Variants in CNIH3 observed in about 807,000 individuals in gnomAD.
The protein encoded by CNIH3 is protein cornichon homolog 3.
A neutral mutation model predicts 24.1 loss-of-function variants in CNIH3; 14 were observed. The observed-to-expected ratio is 0.58, with a 90% CI of 0.38 to 0.91. CNIH3 has a LOEUF of 0.91. Ranked by LOEUF, CNIH3 falls within the 40% of genes least tolerant of loss-of-function variation. The pLI, the probability that CNIH3 is intolerant of heterozygous loss-of-function variation, is 0.00. For synonymous variants in CNIH3, 68 were observed against 73.8 expected (o/e 0.92, Z 0.40); for missense variants, 178 against 196.8 (o/e 0.90, Z 0.57).
intron 3 of CNIH3, among the ~76,000 whole-genome samples, chr1:224,610,245 T>C (rs1682623501): frequency 6.6e-6 from 1 of 152,130 alleles, no homozygotes; most frequent in African/African-American, 2.4e-5. Context: ...TTACAAAGGG[T>C]TTATTGGGAT....
intron 2 of CNIH3, among the ~76,000 whole-genome samples, chr1:224,683,819 C>T (rs556258307): frequency 2.6e-5 from 4 of 152,182 alleles, no homozygotes; most frequent in African/African-American, 4.8e-5. Flanking sequence ...CCCTTTCGTG[C>T]GTGTGTGCAC....
At chr1:224,542,163 T>C (rs913944588), downstream of CNIH3, among the ~76,000 whole-genome samples, 4 of 152,222 alleles carry the variant, frequency 2.6e-5, no homozygotes, top group Non-Finnish European at 5.9e-5. Context: ...CCACAACCAT[T>C]CCAGCTTCTA....
intron 3 of CNIH3, among the ~76,000 whole-genome samples, chr1:224,697,235 C>G (rs1272383870): frequency 6.6e-6 from 1 of 152,210 alleles, no homozygotes; most frequent in Non-Finnish European, 1.5e-5. Flanking sequence ...CTAGTTAGAG[C>G]GCTAGTTTGC....
At chr1:224,651,434 AG>A (rs1314867563) in intron 1 of CNIH3, among the ~76,000 whole-genome samples, 1 of 152,204 alleles carries the variant, frequency 6.6e-6, no homozygotes, top group Non-Finnish European at 1.5e-5. Flanking sequence ...ACTTTAAAAA[AG>A]TTGCAGTTTT....
At chr1:224,576,785 A>G (rs1681054957) in intron 4 of CNIH3, among the ~76,000 whole-genome samples, 1 of 152,222 alleles carries the variant, frequency 6.6e-6, no homozygotes, top group South Asian at 2.1e-4. Flanking sequence ...TCAAAAACAA[A>G]TCTAGAGACA....
chr1:224,440,879 C>T (rs954030556), intron 1 of CNIH3, among the ~76,000 whole-genome samples: 5 of 151,418 alleles, frequency 3.3e-5, no homozygotes, highest in Admixed American at 1.3e-4. Context: ...TGCAGTGGCA[C>T]GATCTCGGCT....
intron 3 of CNIH3, among the ~76,000 whole-genome samples, chr1:224,712,850 GT>G (rs540126665): frequency 6.6e-6 from 1 of 152,156 alleles, no homozygotes; most frequent in African/African-American, 2.4e-5. Flanking sequence ...TCAACTGGGT[GT>G]TTTTAAAATA....
intron 3 of CNIH3, among the ~76,000 whole-genome samples, chr1:224,720,358 A>C (rs1258701943): frequency 1.3e-5 from 2 of 151,438 alleles, no homozygotes; most frequent in East Asian, 3.9e-4. Flanking sequence ...GCGGTGCATG[A>C]GGTCAGCTCC....
intron 3 of CNIH3, among the ~76,000 whole-genome samples, chr1:224,720,508 G>A (rs1688664322): frequency 6.6e-6 from 1 of 152,150 alleles, no homozygotes; most frequent in Non-Finnish European, 1.5e-5. Flanking sequence ...AGCAGAGTTG[G>A]GCTTCCTTCC....
intron 1 of CNIH3, among the ~76,000 whole-genome samples, chr1:224,509,166 T>C (rs182384532): frequency 3.9e-5 from 6 of 151,974 alleles, no homozygotes; most frequent in Non-Finnish European, 8.8e-5. Context: ...ATACTAAAAA[T>C]ACAAAAATTA....
chr1:224,571,967 GTCACTGCAGCATATCTGCACAGACA>G (rs1680837021), intron 4 of CNIH3, among the ~76,000 whole-genome samples: 1 of 152,198 alleles, frequency 6.6e-6, no homozygotes, highest in Non-Finnish European at 1.5e-5. Context: ...CTGAGAGGTG[GTCACTGCAGCATATCTGCACAGACA>G]ATGTAAGACG....
intron 1 of CNIH3, among the ~76,000 whole-genome samples, chr1:224,625,994 C>G (rs78063337): frequency 0.047 from 7,130 of 152,100 alleles, 229 homozygotes; most frequent in East Asian, 0.15. Flanking sequence ...CCTTTGACAA[C>G]TAGGTGTAGA....
chr1:224,589,029 C>T (rs1035376985), downstream of CNIH3, among the ~76,000 whole-genome samples: 1 of 136,888 alleles, frequency 7.3e-6, no homozygotes, highest in East Asian at 2.5e-4. Flanking sequence ...CTTCCCAGAT[C>T]CCTGCGAGAA....
chr1:224,457,884 A>G (rs928930161), intron 1 of CNIH3, among the ~76,000 whole-genome samples: 4 of 152,254 alleles, frequency 2.6e-5, no homozygotes, highest in Non-Finnish European at 5.9e-5. Flanking sequence ...AACAGAATAC[A>G]CTAGGATAGA....
At chr1:224,700,640 G>A (rs774544514) in intron 3 of CNIH3, among the ~76,000 whole-genome samples, 7 of 152,180 alleles carry the variant, frequency 4.6e-5, no homozygotes, top group African/African-American at 7.2e-5. Context: ...AAGATCAAAA[G>A]CAAAGTTATC....
intron 4 of CNIH3, among the ~76,000 whole-genome samples, chr1:224,566,584 C>T (rs1680591879): frequency 6.6e-6 from 1 of 152,010 alleles, no homozygotes. Flanking sequence ...TGCTCTTCTT[C>T]CTCAACTCCC....
intron 3 of CNIH3, among the ~76,000 whole-genome samples, chr1:224,552,777 T>A (rs1376856655): frequency 6.6e-6 from 1 of 151,616 alleles, no homozygotes; most frequent in African/African-American, 2.4e-5. Context: ...CTCCCTGTGA[T>A]ATTAGGAGTA....
intron 3 of CNIH3, among the ~76,000 whole-genome samples, chr1:224,603,648 T>C (rs888367626): frequency 6.6e-6 from 1 of 152,226 alleles, no homozygotes; most frequent in Non-Finnish European, 1.5e-5. Context: ...ATTTTTTTTA[T>C]GGTTTTTGTC....
chr1:224,487,780 T>A (rs899632739), intron 1 of CNIH3, among the ~76,000 whole-genome samples: 2 of 152,314 alleles, frequency 1.3e-5, no homozygotes, highest in African/African-American at 4.8e-5. Context: ...ATCACAATGT[T>A]ACATTCTCCT....
Sources: allele counts gnomAD v4.1 joint callset (sites outside exome capture counted in the v4.1 genomes callset), GRCh38; gene constraint gnomAD v4.1.1; transcripts MANE v1.5; gene names NCBI Gene and HGNC (gene_info 2026-07-23, HGNC 2026-07-21).